Variants in ANKRD62 observed in about 807,000 individuals in gnomAD.
The protein encoded by ANKRD62 is ankyrin repeat domain-containing protein 62.
In ANKRD62, 61 loss-of-function variants were observed where a neutral mutation model predicts 98.8. That is an observed-to-expected ratio of 0.62 (90% CI 0.50 to 0.76). The LOEUF is 0.76. Among genes scored for constraint, ANKRD62 ranks in the 30% least tolerant of loss-of-function variants. ANKRD62 has a pLI of 0.00. For synonymous variants in ANKRD62, 341 were observed against 367.9 expected, an observed-to-expected ratio of 0.93 and a Z score of 0.84; for missense variants, 933 against 1,082.9, an observed-to-expected ratio of 0.86 and a Z score of 1.94.
chr18:12,124,795 T>C (rs1343280908), intron 12 of ANKRD62, among the ~76,000 whole-genome samples: 1 of 152,222 alleles, frequency 6.6e-6, no homozygotes, highest in Non-Finnish European at 1.5e-5. Context: ...GGAGGACCAC[T>C]AGAAGCAGAG....
In ANKRD62 at chr18:12,099,687, G is replaced by A; in HGVS notation, c.820+5G>A. On this transcript the variant is annotated splice_donor_5th_base_variant and intron_variant, in intron 6 of 13. Coordinates refer to ENST00000587848, the MANE Select transcript of ANKRD62 (RefSeq NM_001277333.2). ...GTCTTCAAAATAGCAATTCAGGTATGACTTCTGATAGTGAATTCCTCTCGA... is the reference window on the plus strand; with the variant it reads ...GTCTTCAAAATAGCAATTCAGGTATAACTTCTGATAGTGAATTCCTCTCGA... The A allele has an allele frequency of 6.9e-7, 1 of 1,448,250 alleles. No individual in the cohort carries two copies. The allele number at this position is 1,448,250 out of a possible 1,614,324, so 89.7% of individuals were successfully genotyped here.
chr18:12,122,314 C>T lies in ANKRD62; in HGVS notation c.1252C>T (p.Leu418=). ...TCTCCTGGTAACAGATTTTGTTAGC[C>T]TATCGAAAAGCAAGAATGCAACAGC... ...SGMECKDFVS[L]SKSKNATAAC... is the part of the protein sequence containing the mutation. Residue 418 remains leucine (L), a synonymous_variant, in exon 11 of 14, where the codon CTA becomes TTA. Coordinates refer to ENST00000587848, the MANE Select transcript of ANKRD62 (RefSeq NM_001277333.2). 2 of 1,533,534 alleles carry T rather than the reference C, an allele frequency of 1.3e-6. No individual in the cohort carries two copies. The highest frequency in any genetic ancestry group is 1.7e-6 in the Non-Finnish European group (2 of 1,146,170). 95.0% of individuals were successfully genotyped at this position (1,533,534 alleles called of 1,614,324 possible). A position where few individuals can be genotyped will look rare whatever the true frequency, so the allele number is the denominator to read the frequency against.
chr18:12,095,457 A>T lies in ANKRD62; in HGVS notation c.354A>T (p.Glu118Asp). The change falls in exon 3 of 14, where the codon GAA becomes GAT. Residue 118 changes from glutamate (E) to aspartate (D), a missense_variant. Coordinates refer to ENST00000587848, the MANE Select transcript of ANKRD62 (RefSeq NM_001277333.2). ...ALIKAVQCQE[E>D]VCASILLEHG... The stretch of plus-strand genomic sequence containing the variant: ...GACAGGCTGTACAATGTCAAGAAGA[A>T]GTTTGTGCATCCATCCTGCTGGAAC... 2.5e-6 allele frequency: 4 copies of T among 1,574,700 alleles called. No homozygotes were observed. Among genetic ancestry groups the T allele is most frequent in the Non-Finnish European group, 3.4e-6 (4 of 1,165,190 alleles).
At chr18:12,135,041 CCTGA>C in the ANKRD62 span, among the ~76,000 whole-genome samples, 2 of 151,554 alleles carry the variant, frequency 1.3e-5, no homozygotes, top group South Asian at 4.2e-4. Context: ...CCTGTTGTTT[CCTGA>C]CTTTTTTTTT....
chr18:12,160,790 T>G, the ANKRD62 span, among the ~76,000 whole-genome samples: 14 of 152,116 alleles, frequency 9.2e-5, no homozygotes, highest in African/African-American at 3.4e-4. Flanking sequence ...AAGTTGTTTG[T>G]GGAGGTGATA....
chr18:12,135,729 G>A, the ANKRD62 span, among the ~76,000 whole-genome samples: 1 of 151,296 alleles, frequency 6.6e-6, no homozygotes, highest in Admixed American at 6.6e-5. Flanking sequence ...TTTAATGATC[G>A]CCATTCTAAC....
the ANKRD62 span, among the ~76,000 whole-genome samples, chr18:12,158,633 C>T: frequency 1.3e-5 from 2 of 151,678 alleles, no homozygotes; most frequent in Non-Finnish European, 2.9e-5. Context: ...TCACGCCATT[C>T]TCCTGCCTCA....
At chr18:12,161,901 T>G in the ANKRD62 span, among the ~76,000 whole-genome samples, 37 of 152,286 alleles carry the variant, frequency 2.4e-4, no homozygotes, top group South Asian at 7.3e-3. Flanking sequence ...TGTGTATATG[T>G]ACCACATGTT....
At chr18:12,113,511 T>G (rs1036634828) in intron 8 of ANKRD62, among the ~76,000 whole-genome samples, 6 of 152,060 alleles carry the variant, frequency 3.9e-5, no homozygotes, top group African/African-American at 7.2e-5. Flanking sequence ...CTATAATCCC[T>G]GCTACACAGG....
intron 10 of ANKRD62, among the ~76,000 whole-genome samples, chr18:12,116,415 CAT>C (rs1290282139): frequency 6.6e-6 from 1 of 152,176 alleles, no homozygotes; most frequent in African/African-American, 2.4e-5. Context: ...ATGTTCACCT[CAT>C]ATACACAAAC....
chr18:12,133,181 T>C (rs1193006845), downstream of ANKRD62, among the ~76,000 whole-genome samples: 2 of 152,210 alleles, frequency 1.3e-5, no homozygotes, highest in Non-Finnish European at 2.9e-5. Context: ...ATTGGCTTTT[T>C]GTGTCTGGGT....
At chr18:12,153,618 A>G in the ANKRD62 span, among the ~76,000 whole-genome samples, 1 of 151,476 alleles carries the variant, frequency 6.6e-6, no homozygotes, top group African/African-American at 2.4e-5. Context: ...AAAGAAAGAA[A>G]GAAAAAAATG....
chr18:12,102,200 G>A (rs1415151694), intron 6 of ANKRD62: 9 of 823,852 alleles, frequency 1.1e-5, no homozygotes, highest in East Asian at 4.8e-5. Context: ...AGTAGAGTCC[G>A]TCACAGAGCC....
the ANKRD62 span, among the ~76,000 whole-genome samples, chr18:12,164,864 A>C: frequency 6.6e-6 from 1 of 151,956 alleles, no homozygotes; most frequent in African/African-American, 2.4e-5. Context: ...ACATATGTTC[A>C]ATGCTGAAAG....
At chr18:12,110,557 A>G (rs1909517240) in intron 8 of ANKRD62, among the ~76,000 whole-genome samples, 1 of 152,232 alleles carries the variant, frequency 6.6e-6, no homozygotes, top group Non-Finnish European at 1.5e-5. Flanking sequence ...TAGGTCATCC[A>G]CGATAATGCC....
At chr18:12,137,888 G>C in the ANKRD62 span, among the ~76,000 whole-genome samples, 7 of 152,276 alleles carry the variant, frequency 4.6e-5, no homozygotes, top group South Asian at 1.5e-3. Flanking sequence ...GATCGGTGGT[G>C]ATATCCCCTT....
chr18:12,133,507 T>G (rs2039648206), downstream of ANKRD62, among the ~76,000 whole-genome samples: 1 of 152,340 alleles, frequency 6.6e-6, no homozygotes, highest in Middle Eastern at 3.4e-3. Flanking sequence ...CCACCAGCAG[T>G]GTATGAGGGT....
chr18:12,130,108 T>A (rs1319560550), downstream of ANKRD62, among the ~76,000 whole-genome samples: 1 of 152,180 alleles, frequency 6.6e-6, no homozygotes, highest in Non-Finnish European at 1.5e-5. Context: ...TATGTCTATG[T>A]GAAGTCAAGG....
rs982578788 is a variant in ANKRD62, at chr18:12,105,635, C to T, written c.892-1660C>T. On this transcript the variant is annotated intron_variant, in intron 7 of 13. Transcript: ENST00000587848. ...TTTTCTCTTGACCAATTATTTGGTG[C>T]ATTCTAATTTTTTTTACTTATGAAA... Among the ~76,000 whole-genome samples, 11 of 152,232 alleles carry T rather than the reference C, an allele frequency of 7.2e-5. No individual in the cohort carries two copies. The East Asian group carries it at 2.1e-3, about 29-fold the overall frequency.
Sources: allele counts gnomAD v4.1 joint callset (sites outside exome capture counted in the v4.1 genomes callset), GRCh38; gene constraint gnomAD v4.1.1; transcripts MANE v1.5; gene names NCBI Gene and HGNC (gene_info 2026-07-23, HGNC 2026-07-21).